ULK4: variants seen among roughly 807,000 people sequenced by gnomAD.
ULK4 encodes unc-51 like kinase 4.
A neutral mutation model predicts 160.6 loss-of-function variants in ULK4; 133 were observed. That is an observed-to-expected ratio of 0.83 (90% CI 0.72 to 0.96). The LOEUF (loss-of-function observed/expected upper bound fraction) is 0.96, where lower values mean the gene tolerates loss of function less well. ULK4 is among the 40% of genes least tolerant of loss of function. The pLI is 0.00. For missense variants in ULK4, 1,580 were observed against 1,499.5 expected (o/e 1.05, Z -0.89); for synonymous variants, 534 against 539.8 (o/e 0.99, Z 0.15).
intron 23 of ULK4, among the ~76,000 whole-genome samples, chr3:41,716,713 A>T (rs1171291510): frequency 6.6e-6 from 1 of 152,210 alleles, no homozygotes; most frequent in Non-Finnish European, 1.5e-5. Flanking sequence ...TTATAGCTAC[A>T]TCTGCTGGAA....
intron 19 of ULK4, among the ~76,000 whole-genome samples, chr3:41,810,537 A>G (rs1192492200): frequency 6.6e-6 from 1 of 152,184 alleles, no homozygotes; most frequent in African/African-American, 2.4e-5. Flanking sequence ...GGCAATGGCC[A>G]GAAGTGGTGG....
chr3:41,805,528 G>A (rs1211149128), intron 19 of ULK4, among the ~76,000 whole-genome samples: 2 of 151,700 alleles, frequency 1.3e-5, no homozygotes, highest in African/African-American at 4.8e-5. Flanking sequence ...ATGTTGAATA[G>A]GAGTGGTGAG....
At chr3:41,696,806 T>A (rs1469738633) in intron 27 of ULK4, among the ~76,000 whole-genome samples, 1 of 152,084 alleles carries the variant, frequency 6.6e-6, no homozygotes, top group East Asian at 1.9e-4. Flanking sequence ...ATAATAAGGA[T>A]CCTTAAAGGG....
intron 17 of ULK4, among the ~76,000 whole-genome samples, chr3:41,872,698 T>C (rs1452129380): frequency 6.6e-6 from 1 of 152,088 alleles, no homozygotes; most frequent in Non-Finnish European, 1.5e-5. Context: ...TCCTCGACAA[T>C]TATCAGAACC....
At chr3:41,891,705 G>A (rs11926097) in intron 16 of ULK4, among the ~76,000 whole-genome samples, 141,218 of 152,154 alleles carry the variant, frequency 0.93, 66,379 homozygotes, top group East Asian at 1. Context: ...TCAGGAGTTG[G>A]AGACCATCTG....
chr3:41,781,416 TAAA>T (rs57995352), intron 21 of ULK4, among the ~76,000 whole-genome samples: 16,779 of 135,066 alleles, frequency 0.12, 1,145 homozygotes, highest in Middle Eastern at 0.24. Context: ...GACTCCATCT[TAAA>T]AAAAAAAAAA....
chr3:41,833,543 GC>G (rs1051703124), intron 18 of ULK4, among the ~76,000 whole-genome samples: 52 of 152,004 alleles, frequency 3.4e-4, no homozygotes, highest in African/African-American at 1.2e-3. Context: ...TGATCCACCT[GC>G]CTCAGCCTCC....
chr3:41,925,813 T>C (rs1699366411), intron 5 of ULK4, among the ~76,000 whole-genome samples: 2 of 151,842 alleles, frequency 1.3e-5, no homozygotes, highest in Non-Finnish European at 2.9e-5. Context: ...TGGAGCCCAC[T>C]GCAGCATCTC....
In ULK4 at chr3:41,608,815, C is replaced by T. The variant is rs375385465; in HGVS notation, c.3120+6854G>A. ...TGTGAATTCATCACACTGAAGAACACTGGCCCTTCCTACTATTTCATTTTC... is the reference window on the plus strand; with the variant it reads ...TGTGAATTCATCACACTGAAGAACATTGGCCCTTCCTACTATTTCATTTTC... On this transcript the variant is annotated intron_variant, in intron 31 of 36. Transcript: ENST00000301831. 3.0e-4 allele frequency among the ~76,000 whole-genome samples: 45 copies of T among 152,346 alleles called. 1 individual carries two copies. In the South Asian group the frequency reaches 9.1e-3, roughly 31 times the overall value.
At chr3:41,537,922 C>CA (rs1027439910) in intron 32 of ULK4, among the ~76,000 whole-genome samples, 12 of 120,128 alleles carry the variant, frequency 1.0e-4, no homozygotes, top group African/African-American at 4.6e-4. Context: ...TCCTTTGTGG[C>CA]ATTTTTTTTT....
At chr3:41,617,920 G>A (rs1258796520) in intron 30 of ULK4, among the ~76,000 whole-genome samples, 1 of 152,088 alleles carries the variant, frequency 6.6e-6, no homozygotes, top group African/African-American at 2.4e-5. Flanking sequence ...AGTTTACAGA[G>A]AAACATAAAT....
At chr3:41,494,655 C>A (rs1006264195) in intron 32 of ULK4, among the ~76,000 whole-genome samples, 3 of 152,198 alleles carry the variant, frequency 2.0e-5, no homozygotes, top group Admixed American at 6.5e-5. Context: ...TGTTTGCAGA[C>A]GACATGATTG....
At chr3:41,294,587 T>C (rs969051202) in intron 35 of ULK4, among the ~76,000 whole-genome samples, 10 of 152,174 alleles carry the variant, frequency 6.6e-5, no homozygotes, top group Non-Finnish European at 1.5e-5. Flanking sequence ...ATGTGACTTC[T>C]GGTCAAAATG....
chr3:41,777,998 G>A (rs1369317195), intron 21 of ULK4, among the ~76,000 whole-genome samples: 1 of 131,198 alleles, frequency 7.6e-6, no homozygotes, highest in East Asian at 2.0e-4. Flanking sequence ...TCAGGCAGGA[G>A]AAGGAAATAA....
chr3:41,417,326 C>T (rs779815270), intron 34 of ULK4, among the ~76,000 whole-genome samples: 73 of 151,996 alleles, frequency 4.8e-4, no homozygotes, highest in Admixed American at 7.2e-4. Flanking sequence ...GGAAGAGAGC[C>T]TGGTAAAGGA....
chr3:41,324,636 G>A (rs2125734183), intron 35 of ULK4, among the ~76,000 whole-genome samples: 1 of 152,290 alleles, frequency 6.6e-6, no homozygotes, highest in East Asian at 1.9e-4. Context: ...GGTGGAAGTG[G>A]CCATGGGCTG....
At chr3:41,346,840 C>T (rs993058306) in intron 35 of ULK4, among the ~76,000 whole-genome samples, 1 of 152,098 alleles carries the variant, frequency 6.6e-6, no homozygotes, top group Non-Finnish European at 1.5e-5. Context: ...TCCAAGTATT[C>T]TTAAGTATAA....
At position 41,918,509 on chromosome 3, in the gene ULK4, T is replaced by C; in HGVS notation, c.675A>G (p.Ser225=). ...GKPPFFSESI[S]ELTEKILCED... Reference sequence around the variant, plus strand: ...CACATAAGATCTTTTCAGTTAATTCTGAAATACTTTCTGAGAAGAATGGAG... The same window carrying C: ...CACATAAGATCTTTTCAGTTAATTCCGAAATACTTTCTGAGAAGAATGGAG... Residue 225 remains serine (S), a synonymous_variant, in exon 7 of 37, where the codon TCA becomes TCG. Transcript: ENST00000301831. 6.3e-7 allele frequency: 1 copy of C among 1,588,252 alleles called. No individual in the cohort carries two copies. Among genetic ancestry groups the C allele is most frequent in the East Asian group, 2.3e-5 (1 of 44,348 alleles).
At chr3:41,326,727 T>C (rs1332566596) in intron 35 of ULK4, among the ~76,000 whole-genome samples, 2 of 152,204 alleles carry the variant, frequency 1.3e-5, no homozygotes, top group Non-Finnish European at 2.9e-5. Flanking sequence ...TTACCTGGAT[T>C]AGTGAGGACA....
Sources: allele counts gnomAD v4.1 joint callset (sites outside exome capture counted in the v4.1 genomes callset), GRCh38; gene constraint gnomAD v4.1.1; transcripts MANE v1.5; gene names NCBI Gene and HGNC (gene_info 2026-07-23, HGNC 2026-07-21).